The following TAFA1 variants were observed in gnomAD, a reference collection of about 807,000 sequenced individuals.
The protein encoded by TAFA1 is TAFA chemokine like family member 1, also known as chemokine-like protein TAFA-1.
A neutral mutation model predicts 18.5 loss-of-function variants in TAFA1; 4 were observed. The observed-to-expected ratio is 0.22, with a 90% CI of 0.11 to 0.49. The LOEUF (loss-of-function observed/expected upper bound fraction) is 0.49. Ranked by LOEUF, TAFA1 falls within the 20% of genes least tolerant of loss-of-function variation. The pLI is 0.98. For synonymous variants in TAFA1, 56 were observed against 55.2 expected (o/e 1.01, Z -0.06); for missense variants, 147 against 169.0 (o/e 0.87, Z 0.72).
chr3:68,495,257 A>G (rs770300137), intron 3 of TAFA1, among the ~76,000 whole-genome samples: 2 of 152,234 alleles, frequency 1.3e-5, no homozygotes, highest in Non-Finnish European at 2.9e-5. Context: ...ATTGAAATAC[A>G]TAATTTAATT....
chr3:68,270,693 C>G (rs1487567271), intron 2 of TAFA1, among the ~76,000 whole-genome samples: 1 of 152,118 alleles, frequency 6.6e-6, no homozygotes, highest in Admixed American at 6.5e-5. Flanking sequence ...TAGAGCTGAT[C>G]CTGTGGATGA....
At chr3:68,107,820 A>T (rs1023551234) in intron 2 of TAFA1, among the ~76,000 whole-genome samples, 1 of 152,146 alleles carries the variant, frequency 6.6e-6, no homozygotes, top group East Asian at 1.9e-4. Context: ...TCAAAGAGCA[A>T]ATGTCTTTTA....
chr3:68,445,183 C>A (rs2071454234), intron 3 of TAFA1, among the ~76,000 whole-genome samples: 1 of 152,148 alleles, frequency 6.6e-6, no homozygotes, highest in Non-Finnish European at 1.5e-5. Context: ...TTCTTTGCTG[C>A]AGAATTAGCT....
At chr3:68,234,782 A>C (rs2066908826) in intron 2 of TAFA1, among the ~76,000 whole-genome samples, 1 of 152,208 alleles carries the variant, frequency 6.6e-6, no homozygotes, top group South Asian at 2.1e-4. Flanking sequence ...GTTTGCTGTA[A>C]ATATACATAG....
chr3:68,388,725 T>TA (rs2070161032), intron 2 of TAFA1, among the ~76,000 whole-genome samples: 3 of 152,154 alleles, frequency 2.0e-5, no homozygotes, highest in Admixed American at 1.3e-4. Flanking sequence ...GAATCATTCT[T>TA]AAAAAAGACA....
chr3:68,490,604 T>A (rs114869419), intron 3 of TAFA1, among the ~76,000 whole-genome samples: 2,826 of 152,256 alleles, frequency 0.019, 40 homozygotes, highest in South Asian at 0.055. Context: ...GCTAGACATT[T>A]AAGAGATTTA....
intron 2 of TAFA1, among the ~76,000 whole-genome samples, chr3:68,309,566 A>T (rs566617548): frequency 6.6e-6 from 1 of 152,338 alleles, no homozygotes; most frequent in Non-Finnish European, 1.5e-5. Context: ...AGAGACCCAA[A>T]TACAGATTTA....
At chr3:68,031,307 G>A (rs1040112503) in intron 2 of TAFA1, among the ~76,000 whole-genome samples, 3 of 152,128 alleles carry the variant, frequency 2.0e-5, no homozygotes, top group African/African-American at 4.8e-5. Flanking sequence ...GGGGCATCTG[G>A]TGACCAATCT....
intron 3 of TAFA1, among the ~76,000 whole-genome samples, chr3:68,535,398 C>A (rs1027991): frequency 0.2 from 29,385 of 149,148 alleles, 3,408 homozygotes; most frequent in South Asian, 0.41. Flanking sequence ...AAAAAAAAAA[C>A]AACTTTAAAC....
intron 2 of TAFA1, among the ~76,000 whole-genome samples, chr3:68,395,136 T>A (rs1404029297): frequency 6.6e-6 from 1 of 151,936 alleles, no homozygotes; most frequent in Non-Finnish European, 1.5e-5. Context: ...GGCCAAAGGA[T>A]ATAAACAAAC....
chr3:68,079,930 A>C (rs1049838977), intron 2 of TAFA1, among the ~76,000 whole-genome samples: 4 of 151,890 alleles, frequency 2.6e-5, no homozygotes, highest in Non-Finnish European at 4.4e-5. Flanking sequence ...GTCTCCCATT[A>C]TTAATGTGTG....
intron 2 of TAFA1, among the ~76,000 whole-genome samples, chr3:68,293,634 G>A (rs1015590498): frequency 6.6e-6 from 1 of 152,192 alleles, no homozygotes; most frequent in Non-Finnish European, 1.5e-5. Flanking sequence ...CATAGATCAG[G>A]ACTTAGCATG....
chr3:68,525,216 A>AG (rs1203275421), intron 3 of TAFA1, among the ~76,000 whole-genome samples: 4 of 152,168 alleles, frequency 2.6e-5, no homozygotes, highest in Admixed American at 2.6e-4. Flanking sequence ...TGAATTTCGA[A>AG]GCGTCAGTAT....
At chr3:68,136,801 T>C (rs569267159) in intron 2 of TAFA1, among the ~76,000 whole-genome samples, 5 of 152,334 alleles carry the variant, frequency 3.3e-5, no homozygotes, top group African/African-American at 4.8e-5. Context: ...CATTGGATTC[T>C]CTCTTCCATC....
intron 2 of TAFA1, among the ~76,000 whole-genome samples, chr3:68,219,932 A>G (rs2066709538): frequency 6.6e-6 from 1 of 152,170 alleles, no homozygotes; most frequent in Non-Finnish European, 1.5e-5. Context: ...AAAAAATAGG[A>G]GACCTTATCC....
At chr3:68,331,251 A>G (rs1321502949) in intron 2 of TAFA1, among the ~76,000 whole-genome samples, 2 of 152,230 alleles carry the variant, frequency 1.3e-5, no homozygotes, top group East Asian at 3.8e-4. Flanking sequence ...CTATTGAAGC[A>G]GGAAGTAAAT....
intron 2 of TAFA1, among the ~76,000 whole-genome samples, chr3:68,400,160 G>C (rs928002579): frequency 6.6e-6 from 1 of 152,232 alleles, no homozygotes; most frequent in East Asian, 1.9e-4. Flanking sequence ...TTGTTCATTT[G>C]CACTGCATCG....
At position 68,341,094 on chromosome 3, in the gene TAFA1, G is replaced by A. The variant is rs758962338; in HGVS notation, c.119-76186G>A. Reference sequence around the variant, plus strand: ...CCTTGCCCACTACCTAGACAGAGCTGATGTATCAAGACAGGAGAATTGCAA... The same window carrying A: ...CCTTGCCCACTACCTAGACAGAGCTAATGTATCAAGACAGGAGAATTGCAA... On this transcript the variant is annotated intron_variant, in intron 2 of 4. Coordinates refer to ENST00000478136, the MANE Select transcript of TAFA1 (RefSeq NM_213609.4). Among the ~76,000 whole-genome samples the A allele has an allele frequency of 9.9e-5, 15 of 152,194 alleles. 1 individual carries two copies. The highest frequency in any genetic ancestry group is 2.0e-4 in the Admixed American group (3 of 15,278).
At chr3:68,081,346 T>C (rs2064896937) in intron 2 of TAFA1, among the ~76,000 whole-genome samples, 1 of 152,158 alleles carries the variant, frequency 6.6e-6, no homozygotes, top group South Asian at 2.1e-4. Context: ...CTTTGTTCCG[T>C]TGCTGGTGAG....
Sources: allele counts gnomAD v4.1 joint callset (sites outside exome capture counted in the v4.1 genomes callset), GRCh38; gene constraint gnomAD v4.1.1; transcripts MANE v1.5; gene names NCBI Gene and HGNC (gene_info 2026-07-23, HGNC 2026-07-21).